The following CERS4 variants were observed in gnomAD, a reference collection of about 807,000 sequenced individuals.
CERS4 encodes LAG1 homolog, ceramide synthase 4.
CERS4 carries 65 observed loss-of-function variants against 51.8 expected under a neutral mutation model. The observed-to-expected ratio is 1.26, with a 90% confidence interval of 1.03 to 1.54. CERS4 has a LOEUF of 1.54. CERS4 is among the 40% of genes most tolerant of loss of function. The pLI, the probability that CERS4 is intolerant of heterozygous loss-of-function variation, is 0.00. For missense variants in CERS4, 563 were observed against 500.4 expected (o/e 1.13, Z -1.19); for synonymous variants, 228 against 208.4 (o/e 1.09, Z -0.81).
At chr19:8,256,006 T>C in intron 6 of CERS4, 127 bp downstream of exon 6, 3 of 1,115,314 alleles carry the variant, frequency 2.7e-6, no homozygotes, top group South Asian at 2.8e-5. Context: ...GAGCGAGCTT[T>C]GCAAGATGGT....
chr19:8,247,069 G>A (rs370209292), intron 2 of CERS4, among the ~76,000 whole-genome samples: 55 of 152,306 alleles, frequency 3.6e-4, no homozygotes, highest in African/African-American at 9.9e-4. Context: ...GGGAGACTGA[G>A]GCACGAGAAT....
In CERS4 at chr19:8,254,488, T is replaced by A. The variant is rs540150487; in HGVS notation, c.174-11T>A. The A allele has an allele frequency of 5.6e-6, 9 of 1,612,680 alleles. No individual in the cohort carries two copies. The African/African-American group carries it at 1.2e-4, about 22-fold the overall frequency. Reference sequence around the variant, plus strand: ...ACCTGGGCTGATAGGCTCTGTCTCCTTTGCACCCAGATTCATTGGCCTGCC... The same window carrying A: ...ACCTGGGCTGATAGGCTCTGTCTCCATTGCACCCAGATTCATTGGCCTGCC... On this transcript the variant is annotated splice_polypyrimidine_tract_variant and intron_variant, in intron 3 of 11. Coordinates refer to ENST00000251363, the MANE Select transcript of CERS4 (RefSeq NM_024552.3).
intron 10 of CERS4, among the ~76,000 whole-genome samples, chr19:8,259,222 G>A (rs1360212822): frequency 2.0e-5 from 3 of 152,212 alleles, no homozygotes; most frequent in Admixed American, 2.0e-4. Context: ...CGCTGGCAGC[G>A]TTTGTACCGA....
chr19:8,254,069 T>G (rs2042682734), intron 3 of CERS4, among the ~76,000 whole-genome samples: 1 of 151,742 alleles, frequency 6.6e-6, no homozygotes, highest in Non-Finnish European at 1.5e-5. Context: ...CCGCTGGTAA[T>G]CCCAGCCCTC....
chr19:8,255,467 G>T, intron 4 of CERS4, 140 bp from the exon 5 acceptor site: 1 of 745,964 alleles, frequency 1.3e-6, no homozygotes, highest in Non-Finnish European at 2.3e-6. Context: ...CCCCAACACT[G>T]CCCCTCCATA....
intron 2 of CERS4, among the ~76,000 whole-genome samples, chr19:8,221,871 T>TG (rs1555772011): frequency 0.039 from 4,199 of 108,772 alleles, 109 homozygotes; most frequent in South Asian, 0.068. Context: ...TATTTTTTTA[T>TG]GTTTTTTTTT....
At chr19:8,234,894 G>T (rs1968172110) in intron 2 of CERS4, among the ~76,000 whole-genome samples, 1 of 151,780 alleles carries the variant, frequency 6.6e-6, no homozygotes, top group African/African-American at 2.4e-5. Flanking sequence ...CTATTCTAGA[G>T]ACCTCATATA....
At chr19:8,237,523 C>T (rs1487495485) in intron 2 of CERS4, among the ~76,000 whole-genome samples, 2 of 151,820 alleles carry the variant, frequency 1.3e-5, no homozygotes, top group East Asian at 3.9e-4. Flanking sequence ...CCACTGCACT[C>T]CAGCCTGGGC....
intron 2 of CERS4, among the ~76,000 whole-genome samples, chr19:8,212,829 A>G (rs12610250): frequency 0.53 from 79,705 of 150,398 alleles, 21,609 homozygotes; most frequent in African/African-American, 0.66. Flanking sequence ...AGTAGAGATG[A>G]AGGGGGGTGG....
rs1040770676 is a variant in CERS4 at position 8,239,101 on chromosome 19, T to C, written c.-1-11975T>C. Among the ~76,000 whole-genome samples the C allele has an allele frequency of 1.3e-5, 2 of 151,166 alleles. 1 individual carries two copies. Among genetic ancestry groups the C allele is most frequent in the Admixed American group, 1.3e-4 (2 of 15,162 alleles). The stretch of plus-strand genomic sequence containing the variant: ...GGGCAACAGAATGAGACCCCATCTC[T>C]TTAAGAAAGAAAAATTGTGGCCAGG... On this transcript the variant is annotated intron_variant, in intron 2 of 11. Transcript: ENST00000251363.
In CERS4 at chr19:8,241,673, T is replaced by G. The variant is rs934386184; in HGVS notation, c.-1-9403T>G. Reference sequence around the variant, plus strand: ...TCCATGTGGAAGAGGGGCTATTGTTTGTTCCATTTTACAGATAAAACTGAG... The same window carrying G: ...TCCATGTGGAAGAGGGGCTATTGTTGGTTCCATTTTACAGATAAAACTGAG... On this transcript the variant is annotated intron_variant, in intron 2 of 11. Transcript: ENST00000251363. Among the ~76,000 whole-genome samples, 25 of 152,292 alleles carry G rather than the reference T, an allele frequency of 1.6e-4. 1 individual carries two copies. The highest frequency in any genetic ancestry group is 1.6e-3 in the Admixed American group (24 of 15,296).
chr19:8,212,457 G>A (rs914809967), intron 2 of CERS4, among the ~76,000 whole-genome samples: 3 of 152,048 alleles, frequency 2.0e-5, no homozygotes, highest in African/African-American at 7.2e-5. Flanking sequence ...CAGGTGGTAC[G>A]GCGTAGGATG....
chr19:8,258,983 A>C (rs1350964064), intron 10 of CERS4, among the ~76,000 whole-genome samples: 1 of 150,240 alleles, frequency 6.7e-6, no homozygotes, highest in Non-Finnish European at 1.5e-5. Context: ...AAAACACAAT[A>C]ATTAGCTGGG....
intron 2 of CERS4, among the ~76,000 whole-genome samples, chr19:8,249,141 C>T (rs1408366294): frequency 7.8e-6 from 1 of 128,444 alleles, no homozygotes; most frequent in Non-Finnish European, 1.6e-5. Context: ...AGTGGGTGGA[C>T]AGATGTTTGG....
chr19:8,256,377 T>G, intron 7 of CERS4, 91 bp downstream of exon 7: 1 of 1,389,386 alleles, frequency 7.2e-7, no homozygotes, highest in Non-Finnish European at 1.0e-6. Context: ...ACCCTGACAC[T>G]ACACTGTCAT....
chr19:8,228,670 C>A (rs984826033), intron 2 of CERS4, among the ~76,000 whole-genome samples: 1 of 148,378 alleles, frequency 6.7e-6, no homozygotes, highest in East Asian at 2.0e-4. Flanking sequence ...AGCAAAACTC[C>A]GTCTCAAAAA....
rs775483880 is a variant in CERS4, at chr19:8,257,028, T to G, written c.692T>G (p.Ile231Ser). ...TFSYSANLLR[I>S]GSLVLLLHDS... Reference sequence around the variant, plus strand: ...TCCTACAGTGCCAACCTGCTGCGCATTGGCTCTCTGGTGCTGCTGTTACAC... The same window carrying G: ...TCCTACAGTGCCAACCTGCTGCGCAGTGGCTCTCTGGTGCTGCTGTTACAC... Residue 231 changes from isoleucine to serine, a missense_variant, in exon 9 of 12, where the codon ATT becomes AGT. Coordinates refer to ENST00000251363, the MANE Select transcript of CERS4 (RefSeq NM_024552.3). 6.2e-7 allele frequency: 1 copy of G among 1,613,454 alleles called. No individual in the cohort carries two copies. Among genetic ancestry groups the G allele is most frequent in the Admixed American group, 1.7e-5 (1 of 59,908 alleles).
chr19:8,225,647 C>T (rs889207118), intron 2 of CERS4, among the ~76,000 whole-genome samples: 1 of 151,646 alleles, frequency 6.6e-6, no homozygotes, highest in African/African-American at 2.4e-5. Context: ...TGGTCTCGAA[C>T]TCCTGACCTC....
intron 2 of CERS4, among the ~76,000 whole-genome samples, chr19:8,236,650 G>A (rs1968266631): frequency 7.2e-6 from 1 of 139,234 alleles, no homozygotes; most frequent in Non-Finnish European, 1.5e-5. Flanking sequence ...CGGCACTCTA[G>A]CCTGAGCAAC....
Sources: gnomAD v4.1 joint callset for allele counts (sites outside exome capture counted in the v4.1 genomes callset) on GRCh38, gnomAD v4.1.1 for gene constraint, MANE v1.5 for transcripts, NCBI Gene and HGNC (gene_info 2026-07-23, HGNC 2026-07-21) for gene names.